The following CTBP2 variants were observed in gnomAD, a reference collection of about 807,000 sequenced individuals.
CTBP2 encodes C-terminal binding protein 2, also known as C-terminal-binding protein 2.
A neutral mutation model predicts 80.3 loss-of-function variants in CTBP2; 30 were observed. The observed-to-expected ratio is 0.37, with a 90% CI of 0.28 to 0.51. CTBP2 has a LOEUF of 0.51. Ranked by LOEUF, CTBP2 falls within the 20% of genes least tolerant of loss-of-function variation. CTBP2 has a pLI of 0.93. For missense variants in CTBP2, 1,212 were observed against 1,375.3 expected, an observed-to-expected ratio of 0.88 and a Z score of 1.88; for synonymous variants, 594 against 587.4, an observed-to-expected ratio of 1.01 and a Z score of -0.16.
intron 1 of CTBP2, among the ~76,000 whole-genome samples, chr10:125,153,077 G>C (rs749981880): frequency 6.6e-6 from 1 of 152,206 alleles, no homozygotes; most frequent in Non-Finnish European, 1.5e-5. Context: ...AGGAGCCCAC[G>C]CAGCCCATCT....
intron 2 of CTBP2, among the ~76,000 whole-genome samples, chr10:125,108,878 C>T (rs1033645277): frequency 7.9e-5 from 12 of 152,266 alleles, no homozygotes; most frequent in Admixed American, 2.0e-4. Context: ...ATAAAAAACT[C>T]TTACCCAAAA....
At chr10:125,096,570 A>AGCAC (rs1433125505) in intron 2 of CTBP2, among the ~76,000 whole-genome samples, 14 of 152,170 alleles carry the variant, frequency 9.2e-5, no homozygotes, top group African/African-American at 3.4e-4. Context: ...TGCAGGTTAT[A>AGCAC]GCACGTGGTC....
intron 2 of CTBP2, among the ~76,000 whole-genome samples, chr10:125,059,685 C>T (rs1215044611): frequency 2.6e-5 from 4 of 152,150 alleles, no homozygotes; most frequent in East Asian, 1.9e-4. Context: ...TGTTTTTTGA[C>T]GTCGACCCCA....
chr10:125,094,845 G>A (rs1590731297), intron 2 of CTBP2, among the ~76,000 whole-genome samples: 1 of 149,940 alleles, frequency 6.7e-6, no homozygotes, highest in African/African-American at 2.5e-5. Context: ...AGAAATGGCT[G>A]GGGCTGATTA....
At chr10:125,160,196 TTCC>T (rs371214388) in intron 1 of CTBP2, 120 bp downstream of exon 1, 2,780 of 149,196 alleles carry the variant, frequency 0.019, 79 homozygotes, top group African/African-American at 0.065. Context: ...CTTCGCCCTC[TTCC>T]TCCTCCTCCT....
intron 1 of CTBP2, among the ~76,000 whole-genome samples, chr10:125,121,388 G>A (rs1854298754): frequency 6.6e-6 from 1 of 152,182 alleles, no homozygotes; most frequent in South Asian, 2.1e-4. Context: ...GAGGCCTGAA[G>A]GAAACCGGGT....
chr10:124,989,784 GAGAC>G, intron 8 of CTBP2, 86 bp from the exon 11 acceptor site: 1 of 1,304,448 alleles, frequency 7.7e-7, no homozygotes, highest in Middle Eastern at 1.9e-4. Flanking sequence ...CTTTTCATAA[GAGAC>G]AGGAGCCCAG....
chr10:125,025,941 C>T, intron 1 of CTBP2: 2 of 1,167,092 alleles, frequency 1.7e-6, no homozygotes, highest in South Asian at 1.6e-5. Context: ...GGCCACAGTG[C>T]TGCGTCCTTC....
At chr10:125,160,734 T>C (rs1227716139), upstream of CTBP2, 1 of 95,752 alleles carries the variant, frequency 1.0e-5, no homozygotes, top group Non-Finnish European at 2.1e-5. Flanking sequence ...CGGTTCCCAA[T>C]TCCCCCCGCG....
At chr10:125,080,648 C>A (rs907029673) in intron 2 of CTBP2, among the ~76,000 whole-genome samples, 1 of 152,186 alleles carries the variant, frequency 6.6e-6, no homozygotes, top group African/African-American at 2.4e-5. Flanking sequence ...AAAATAGTCA[C>A]GCAAGAAATC....
chr10:125,152,657 T>C (rs1231607668), intron 1 of CTBP2, among the ~76,000 whole-genome samples: 3 of 152,230 alleles, frequency 2.0e-5, no homozygotes, highest in Non-Finnish European at 4.4e-5. Context: ...TATATGTGCA[T>C]ATTGGTATCT....
At chr10:125,112,816 T>C (rs559134249) in intron 1 of CTBP2, among the ~76,000 whole-genome samples, 2 of 152,350 alleles carry the variant, frequency 1.3e-5, no homozygotes, top group South Asian at 4.1e-4. Context: ...TAATTAGCAA[T>C]GGGGCTAATC....
chr10:125,105,550 G>A (rs1851320781), intron 2 of CTBP2, among the ~76,000 whole-genome samples: 1 of 152,104 alleles, frequency 6.6e-6, no homozygotes, highest in Non-Finnish European at 1.5e-5. Flanking sequence ...TTTGTAGCTG[G>A]GGGAGCTGCT....
At chr10:125,036,664 AGG>A (rs150632552) in intron 3 of CTBP2, among the ~76,000 whole-genome samples, 25,053 of 133,562 alleles carry the variant, frequency 0.19, 2,849 homozygotes, top group African/African-American at 0.35. Flanking sequence ...TCAAAGCTAG[AGG>A]GGGTGTGTGT....
intron 2 of CTBP2, 63 bp from the exon 3 acceptor site, chr10:125,039,218 A>G (rs903436268): frequency 2.3e-5 from 13 of 568,652 alleles, no homozygotes; most frequent in Non-Finnish European, 4.0e-5. Context: ...ACAACAGCTC[A>G]CTGGGGACTT....
intron 1 of CTBP2, among the ~76,000 whole-genome samples, chr10:125,141,461 T>C: frequency 6.6e-6 from 1 of 152,044 alleles, no homozygotes; most frequent in Non-Finnish European, 1.5e-5. Flanking sequence ...CCTCTGGGCT[T>C]TCCACAAACC....
At position 125,077,454 on chromosome 10, in the gene CTBP2, G is replaced by A. The variant is rs541847851; in HGVS notation, c.-102+33536C>T. On this transcript the variant is annotated intron_variant, in intron 2 of 10. Coordinates refer to the CTBP2 transcript ENST00000337195. ...TTCTTAGAGCAACAGGACTGGAGAC[G>A]GGGAAGGAAGAACCCCCATCTGGCT... Among the ~76,000 whole-genome samples the A allele has an allele frequency of 3.9e-5, 6 of 152,218 alleles. 1 individual carries two copies. The highest frequency in any genetic ancestry group is 1.9e-4 in the East Asian group (1 of 5,170).
At chr10:125,126,912 T>TAC (rs34246502) in intron 1 of CTBP2, among the ~76,000 whole-genome samples, 35,854 of 150,452 alleles carry the variant, frequency 0.24, 4,157 homozygotes, top group African/African-American at 0.29. Context: ...CACACGTGCA[T>TAC]ACACACACAC....
intron 2 of CTBP2, among the ~76,000 whole-genome samples, chr10:125,093,117 C>T (rs1849034897): frequency 6.6e-6 from 1 of 152,228 alleles, no homozygotes; most frequent in South Asian, 2.1e-4. Flanking sequence ...CCAAAGCCTG[C>T]TCAAGTATCA....
Sources: allele counts gnomAD v4.1 joint callset (sites outside exome capture counted in the v4.1 genomes callset), GRCh38; gene constraint gnomAD v4.1.1; transcripts MANE v1.5; gene names NCBI Gene and HGNC (gene_info 2026-07-23, HGNC 2026-07-21).